Variants in MGAT4C observed in about 807,000 individuals in gnomAD.
MGAT4C encodes the protein MGAT4 family member C.
Under a neutral mutation model 40.1 loss-of-function variants are expected in MGAT4C, and 19 were observed. The observed-to-expected ratio is 0.47, with a 90% CI of 0.33 to 0.70. The LOEUF is 0.70. Ranked by LOEUF, MGAT4C falls within the 30% of genes least tolerant of loss-of-function variation. MGAT4C has a pLI of 0.02. For synonymous variants in MGAT4C, 181 were observed against 187.1 expected, an observed-to-expected ratio of 0.97 and a Z score of 0.27; for missense variants, 491 against 563.2, an observed-to-expected ratio of 0.87 and a Z score of 1.30.
intron 1 of MGAT4C, among the ~76,000 whole-genome samples, chr12:86,119,933 T>G (rs1043525636): frequency 5.9e-5 from 9 of 151,902 alleles, no homozygotes; most frequent in African/African-American, 2.2e-4. Context: ...AAATGCCATT[T>G]GAATAATGTC....
intron 2 of MGAT4C, among the ~76,000 whole-genome samples, chr12:86,475,896 A>T (rs1257395097): frequency 6.6e-6 from 1 of 151,930 alleles, no homozygotes; most frequent in African/African-American, 2.4e-5. Context: ...ATTTACCGAG[A>T]ATTTCTGTGT....
chr12:86,308,058 T>C (rs1035559446), intron 4 of MGAT4C, among the ~76,000 whole-genome samples: 1 of 150,162 alleles, frequency 6.7e-6, no homozygotes, highest in Admixed American at 6.6e-5. Flanking sequence ...TTGTATTATT[T>C]GTATATTTTT....
chr12:86,546,004 T>C (rs2136390791), intron 2 of MGAT4C, among the ~76,000 whole-genome samples: 1 of 152,052 alleles, frequency 6.6e-6, no homozygotes, highest in East Asian at 1.9e-4. Context: ...TTTTAAAGGT[T>C]ATTTGCTATG....
Position 85,962,557 on chromosome 12 carries a change from T to G in MGAT4C, c.*16732A>C, listed in dbSNP as rs1460982541. ...ATGTATAATACATTTAGTAATGTGATTTGACAAATCACATTTGTCAAATAA... is the reference window on the plus strand; with the variant it reads ...ATGTATAATACATTTAGTAATGTGAGTTGACAAATCACATTTGTCAAATAA... On this transcript the variant is annotated 3_prime_UTR_variant, in exon 5 of 5. Coordinates refer to ENST00000611864, the MANE Select transcript of MGAT4C (RefSeq NM_001351288.2). 5 of 150,540 alleles carry G rather than the reference T, an allele frequency of 3.3e-5. No individual in the cohort carries two copies. In the East Asian group the frequency reaches 9.8e-4, roughly 29 times the overall value. The allele number at this position is 150,540 out of a possible 1,614,324, so 9.3% of individuals were successfully genotyped here. A position where few individuals can be genotyped will look rare whatever the true frequency, so the allele number is the denominator to read the frequency against.
chr12:86,651,899 C>A (rs1296624675), intron 2 of MGAT4C, among the ~76,000 whole-genome samples: 3 of 151,670 alleles, frequency 2.0e-5, no homozygotes, highest in Non-Finnish European at 3.0e-5. Flanking sequence ...TAATTAGAAA[C>A]AATAAATCAA....
intron 1 of MGAT4C, among the ~76,000 whole-genome samples, chr12:86,231,311 T>A (rs1447583541): frequency 6.6e-6 from 1 of 152,222 alleles, no homozygotes; most frequent in African/African-American, 2.4e-5. Context: ...TCCATTAAAA[T>A]TATTTTGATT....
chr12:86,837,210 T>C lies in MGAT4C; in HGVS notation c.-262+1456A>G, dbSNP rs988171409. Among the ~76,000 whole-genome samples the C allele has an allele frequency of 6.6e-5, 10 of 152,144 alleles. No individual in the cohort carries two copies. The East Asian group carries it at 1.7e-3, about 27-fold the overall frequency. ...AAAGCTTGCCAAATGGAGGAATCCG[T>C]AGGGAAATTTTAATTTAAGGCCCTG... On this transcript the variant is annotated intron_variant, in intron 1 of 7. Transcript: ENST00000548651.
At chr12:86,693,446 A>C (rs900834527) in intron 2 of MGAT4C, among the ~76,000 whole-genome samples, 3 of 152,158 alleles carry the variant, frequency 2.0e-5, no homozygotes, top group Non-Finnish European at 4.4e-5. Flanking sequence ...TATTGATAAA[A>C]ATGTGTCAGT....
rs116256856 is a variant in MGAT4C, at chr12:86,337,079, A to C, written c.-119-2952T>G. ...GTGGATTAAAGGGAATTGTACCTAAAATATTAACTTAAGTCTTGGTACACA... is the reference window on the plus strand; with the variant it reads ...GTGGATTAAAGGGAATTGTACCTAACATATTAACTTAAGTCTTGGTACACA... On this transcript the variant is annotated intron_variant, in intron 3 of 7. Coordinates refer to the MGAT4C transcript ENST00000548651. Among the ~76,000 whole-genome samples, 354 of 152,172 alleles carry C rather than the reference A, an allele frequency of 2.3e-3. 1 individual carries two copies. The highest frequency in any genetic ancestry group is 7.9e-3 in the African/African-American group (328 of 41,544).
intron 1 of MGAT4C, among the ~76,000 whole-genome samples, chr12:86,154,682 CA>C (rs753767715): frequency 6.6e-6 from 1 of 151,608 alleles, no homozygotes; most frequent in Admixed American, 6.6e-5. Context: ...ACATCTAGAT[CA>C]AAAAAAAGAT....
intron 2 of MGAT4C, among the ~76,000 whole-genome samples, chr12:86,549,639 TA>T (rs1321360790): frequency 6.6e-6 from 1 of 152,228 alleles, no homozygotes; most frequent in African/African-American, 2.4e-5. Context: ...AAACTAGTAT[TA>T]TTTTGTGGGT....
chr12:86,581,738 T>G (rs1246994099), intron 2 of MGAT4C, among the ~76,000 whole-genome samples: 1 of 151,314 alleles, frequency 6.6e-6, no homozygotes, highest in Non-Finnish European at 1.5e-5. Context: ...TAAGTTTTCT[T>G]GGATTGCATG....
intron 1 of MGAT4C, among the ~76,000 whole-genome samples, chr12:86,106,514 A>T (rs989146247): frequency 6.6e-6 from 1 of 152,154 alleles, no homozygotes; most frequent in African/African-American, 2.4e-5. Context: ...CATCTTATCC[A>T]GGCTGTTCTT....
chr12:86,520,431 A>T lies in MGAT4C; in HGVS notation c.-228-85166T>A, dbSNP rs112808142. Among the ~76,000 whole-genome samples the T allele has an allele frequency of 3.3e-3, 508 of 152,160 alleles. 1 individual carries two copies. The highest frequency in any genetic ancestry group is 0.012 in the African/African-American group (491 of 41,546). On this transcript the variant is annotated intron_variant, in intron 2 of 7. Transcript: ENST00000548651. ...CTTTTTTATGGCTGCATAGTATCTA[A>T]CTCATGATGTATATCTACCACATTT...
intron 1 of MGAT4C, among the ~76,000 whole-genome samples, chr12:86,826,611 T>G (rs1003780248): frequency 9.2e-5 from 14 of 151,408 alleles, no homozygotes; most frequent in Non-Finnish European, 1.9e-4. Flanking sequence ...TTTTTATCCA[T>G]AAGAATGTAA....
intron 2 of MGAT4C, among the ~76,000 whole-genome samples, chr12:86,686,231 T>G (rs1201397793): frequency 6.6e-6 from 1 of 152,114 alleles, no homozygotes; most frequent in East Asian, 1.9e-4. Context: ...TTTGCTGAAG[T>G]TGCTTATCAG....
rs1882775576 is a variant in MGAT4C, at chr12:85,956,037, T to C, written c.*23252A>G. The C allele has an allele frequency of 6.6e-6, 1 of 152,232 alleles. No individual in the cohort carries two copies. Among genetic ancestry groups the C allele is most frequent in the African/African-American group, 2.4e-5 (1 of 41,460 alleles). 9.4% of individuals were successfully genotyped at this position (152,232 alleles called of 1,614,324 possible). A position where few individuals can be genotyped will look rare whatever the true frequency, so the allele number is the denominator to read the frequency against. On this transcript the variant is annotated 3_prime_UTR_variant, in exon 5 of 5. Transcript: ENST00000611864. Reference sequence around the variant, plus strand: ...AAAATGTAGAGGTTTTCAATTGGTTTACAGGAAGTCTGATTTTTACAAAAC... The same window carrying C: ...AAAATGTAGAGGTTTTCAATTGGTTCACAGGAAGTCTGATTTTTACAAAAC...
intron 2 of MGAT4C, among the ~76,000 whole-genome samples, chr12:86,706,073 A>G (rs2559820): frequency 0.037 from 5,692 of 152,214 alleles, 136 homozygotes; most frequent in Non-Finnish European, 0.049. Context: ...CCATTGATAC[A>G]CAAAATGGGA....
At chr12:86,167,169 A>G (rs1481552434) in intron 1 of MGAT4C, among the ~76,000 whole-genome samples, 2 of 152,192 alleles carry the variant, frequency 1.3e-5, no homozygotes, top group Non-Finnish European at 2.9e-5. Flanking sequence ...CATTTACTCA[A>G]TAATTACTCT....
Sources: gnomAD v4.1 joint callset for allele counts (sites outside exome capture counted in the v4.1 genomes callset) on GRCh38, gnomAD v4.1.1 for gene constraint, MANE v1.5 for transcripts, NCBI Gene and HGNC (gene_info 2026-07-23, HGNC 2026-07-21) for gene names.